ELMOD3: variants seen among roughly 807,000 people sequenced by gnomAD.
ELMOD3 encodes the protein ELMO domain-containing protein 3.
In ELMOD3, 36 loss-of-function variants were observed where a neutral mutation model predicts 47.4. That is an observed-to-expected ratio of 0.76 (90% CI 0.58 to 1.00). ELMOD3 has a LOEUF of 1.00. Among genes scored for constraint, ELMOD3 ranks in the 50% least tolerant of loss-of-function variants. The pLI is 0.00. For missense variants in ELMOD3, 404 were observed against 463.8 expected, an observed-to-expected ratio of 0.87 and a Z score of 1.18; for synonymous variants, 149 against 183.5, an observed-to-expected ratio of 0.81 and a Z score of 1.52.
chr2:85,358,854 G>A (rs1024036053), intron 4 of ELMOD3, among the ~76,000 whole-genome samples: 2 of 152,168 alleles, frequency 1.3e-5, no homozygotes, highest in Non-Finnish European at 2.9e-5. Flanking sequence ...TTTTCTGCTG[G>A]AGACAAAGCT....
rs1424071379 is a variant in ELMOD3, at chr2:85,362,272, C to T, written c.129+12C>T. ...TCAGAGGAATCCCTGTATGTATCAC[C>T]CACAACTTGGTACCTTCTGCCAGGG... On this transcript the variant is annotated intron_variant, in intron 5 of 13. Coordinates refer to ENST00000409013, the MANE Select transcript of ELMOD3 (RefSeq NM_001135022.2). 2.0e-6 allele frequency: 3 copies of T among 1,514,960 alleles called. No homozygotes were observed. The South Asian group carries it at 3.4e-5, about 17-fold the overall frequency. The allele number at this position is 1,514,960 out of a possible 1,614,324, so 93.8% of individuals were successfully genotyped here. A position where few individuals can be genotyped will look rare whatever the true frequency, so the allele number is the denominator to read the frequency against.
intron 6 of ELMOD3, among the ~76,000 whole-genome samples, chr2:85,364,817 A>G (rs1435900273): frequency 1.2e-5 from 1 of 86,780 alleles, no homozygotes; most frequent in Non-Finnish European, 2.2e-5. Context: ...ATATATATAT[A>G]TATATATATT....
Position 85,387,119 on chromosome 2 carries a change from G to C in ELMOD3, c.739-2632G>C, listed in dbSNP as rs540842871. ...TTAGATTGAAAGAAATCAAGGGAAG[G>C]GATGATATTATGCAAGTATATATGA... On this transcript the variant is annotated intron_variant, in intron 11 of 13. Transcript: ENST00000409013. 2.4e-5 allele frequency: 31 copies of C among 1,300,404 alleles called. No homozygotes were observed. The South Asian group carries it at 3.9e-4, about 16-fold the overall frequency. The allele number at this position is 1,300,404 out of a possible 1,614,324, so 80.6% of individuals were successfully genotyped here.
At chr2:85,361,501 T>C (rs1683953572) in intron 4 of ELMOD3, among the ~76,000 whole-genome samples, 1 of 152,184 alleles carries the variant, frequency 6.6e-6, no homozygotes, top group Non-Finnish European at 1.5e-5. Context: ...TGGATGGAGC[T>C]GGAGGCCATT....
chr2:85,373,716 G>A (rs540189235), intron 10 of ELMOD3, among the ~76,000 whole-genome samples: 1 of 152,032 alleles, frequency 6.6e-6, no homozygotes, highest in South Asian at 2.1e-4. Flanking sequence ...GCGCGTGCCT[G>A]TAGTCCCAGC....
intron 11 of ELMOD3, 138 bp downstream of exon 11, chr2:85,377,612 C>G: frequency 1.2e-6 from 1 of 837,978 alleles, no homozygotes; most frequent in Non-Finnish European, 1.7e-6. Flanking sequence ...GAAATATGAG[C>G]TGTACCGCTC....
chr2:85,390,784 G>A lies in ELMOD3; in HGVS notation c.968G>A (p.Ser323Asn). The change falls in exon 14 of 14, where the codon AGC becomes AAC. Residue 323 changes from serine (S) to asparagine (N), a missense_variant. Coordinates refer to ENST00000409013, the MANE Select transcript of ELMOD3 (RefSeq NM_001135022.2). ...LKELEVLAKK[S>N]PRRLLKTLEL... ...GAGTTGGAAGTATTGGCCAAGAAGA[G>A]CCCACGGCGGCTGCTCAAGACCCTG... is the stretch of plus-strand genomic sequence containing the variant. 6.4e-7 allele frequency: 1 copy of A among 1,551,386 alleles called. No individual in the cohort carries two copies. The highest frequency in any genetic ancestry group is 8.7e-7 in the Non-Finnish European group (1 of 1,147,004).
At chr2:85,372,291 G>A (rs1488821859) in intron 10 of ELMOD3, 1 of 152,190 alleles carries the variant, frequency 6.6e-6, no homozygotes, top group African/African-American at 2.4e-5. Flanking sequence ...GGTGAACAGA[G>A]ATCGCACTAC....
chr2:85,368,672 T>C lies in ELMOD3; in HGVS notation c.200-14T>C. On this transcript the variant is annotated splice_polypyrimidine_tract_variant and intron_variant, in intron 6 of 13. Transcript: ENST00000409013. Reference sequence around the variant, plus strand: ...CTAGATCTCAGAGGGTCTCCTTTTCTCCTACTATTGCAGTTGTGAGTACAG... The same window carrying C: ...CTAGATCTCAGAGGGTCTCCTTTTCCCCTACTATTGCAGTTGTGAGTACAG... The C allele has an allele frequency of 6.2e-7, 1 of 1,613,840 alleles. No individual in the cohort carries two copies. Among genetic ancestry groups the C allele is most frequent in the Non-Finnish European group, 8.5e-7 (1 of 1,179,868 alleles).
intron 10 of ELMOD3, among the ~76,000 whole-genome samples, chr2:85,375,013 G>C (rs779880555): frequency 3.3e-5 from 5 of 152,046 alleles, no homozygotes; most frequent in Non-Finnish European, 7.4e-5. Flanking sequence ...TGGTGTGGAG[G>C]CAGAGGTTGC....
At position 85,362,403 on chromosome 2, in the gene ELMOD3, G is replaced by A. The variant is rs1008382125; in HGVS notation, c.129+143G>A. 3.6e-5 allele frequency: 23 copies of A among 636,340 alleles called. No homozygotes were observed. In the African/African-American group the frequency reaches 3.8e-4, roughly 11 times the overall value. The allele number at this position is 636,340 out of a possible 1,614,324, so 39.4% of individuals were successfully genotyped here. The stretch of plus-strand genomic sequence containing the variant: ...AGAGCTCACACTTGAGGGGAGTGAG[G>A]GGAGGGTGTATGGAACACAAACATA... On this transcript the variant is annotated intron_variant, in intron 5 of 13. Transcript: ENST00000409013.
rs569639102 is a variant in ELMOD3 at position 85,371,219 on chromosome 2, A to G, written c.484+10A>G. 12 of 1,614,224 alleles carry G rather than the reference A, an allele frequency of 7.4e-6. No individual in the cohort carries two copies. Among genetic ancestry groups the G allele is most frequent in the South Asian group, 6.6e-5 (6 of 91,086 alleles). ...CTGACCATTGCTCAGTGTGAGTGCA[A>G]TGCGAGCCCACAGGGCAGTTGCTGC... On this transcript the variant is annotated intron_variant, in intron 9 of 13. Transcript: ENST00000409013.
intron 11 of ELMOD3, among the ~76,000 whole-genome samples, chr2:85,384,031 G>GGACTGGAAGCAAAAC: frequency 6.6e-6 from 1 of 152,226 alleles, no homozygotes; most frequent in Admixed American, 6.5e-5. Context: ...GGAAGCAAAA[G>GGACTGGAAGCAAAAC]CGGGATGACT....
rs1686303794 is a variant in ELMOD3 at position 85,390,868 on chromosome 2, G to GCTATGGGCCAGAAGCCCCT, written c.1054_1072dup (p.Pro358LeufsTer16). Reference sequence around the variant, plus strand: ...GCCTCCTTGTTGGGAGCACAGAAGTGCTATGGGCCAGAAGCCCCTCCCTTC... The same window carrying GCTATGGGCCAGAAGCCCCT: ...GCCTCCTTGTTGGGAGCACAGAAGTGCTATGGGCCAGAAGCCCCTCTATGGGCCAGAAGCCCCTCCCTTC... On this transcript the variant is annotated frameshift_variant, in exon 14 of 14. Coordinates refer to ENST00000409013, the MANE Select transcript of ELMOD3 (RefSeq NM_001135022.2). LOFTEE classifies it low-confidence loss of function (END_TRUNC). The GCTATGGGCCAGAAGCCCCT allele has an allele frequency of 6.4e-7, 1 of 1,551,712 alleles. No individual in the cohort carries two copies. The highest frequency in any genetic ancestry group is 1.4e-5 in the African/African-American group (1 of 73,176).
At chr2:85,385,306 A>G (rs1685849037) in intron 11 of ELMOD3, among the ~76,000 whole-genome samples, 1 of 152,226 alleles carries the variant, frequency 6.6e-6, no homozygotes, top group African/African-American at 2.4e-5. Flanking sequence ...TGTGTGAGCA[A>G]CAAGGCTGTT....
At chr2:85,359,260 G>A (rs1683773383) in intron 4 of ELMOD3, among the ~76,000 whole-genome samples, 1 of 152,156 alleles carries the variant, frequency 6.6e-6, no homozygotes, top group Non-Finnish European at 1.5e-5. Flanking sequence ...TACAAAACAT[G>A]TATGATTTCA....
At chr2:85,379,665 TACTAAAGACAAATCATGGTAGG>T (rs1205391080) in intron 11 of ELMOD3, among the ~76,000 whole-genome samples, 5 of 152,260 alleles carry the variant, frequency 3.3e-5, no homozygotes, top group Non-Finnish European at 7.3e-5. Context: ...TTCCTGTTTT[TACTAAAGACAAATCATGGTAGG>T]ACCGATTTGC....
intron 10 of ELMOD3, among the ~76,000 whole-genome samples, chr2:85,373,581 C>T (rs1351030122): frequency 2.0e-5 from 3 of 152,128 alleles, no homozygotes; most frequent in Non-Finnish European, 2.9e-5. Context: ...TGGCTCACAC[C>T]TGTAATCCCA....
intron 11 of ELMOD3, among the ~76,000 whole-genome samples, chr2:85,389,233 A>C (rs1022708045): frequency 2.0e-5 from 3 of 152,220 alleles, no homozygotes; most frequent in African/African-American, 2.4e-5. Flanking sequence ...TGTCCCCCCA[A>C]GTCAGGATGA....
Sources: gnomAD v4.1 joint callset for allele counts (sites outside exome capture counted in the v4.1 genomes callset) on GRCh38, gnomAD v4.1.1 for gene constraint, MANE v1.5 for transcripts, NCBI Gene and HGNC (gene_info 2026-07-23, HGNC 2026-07-21) for gene names.